EEFSEC: variants seen among roughly 807,000 people sequenced by gnomAD.
EEFSEC encodes the protein selenocysteine-specific elongation factor.
EEFSEC carries 43 observed loss-of-function variants against 42.1 expected under a neutral mutation model. That is an observed-to-expected ratio of 1.02 (90% CI 0.80 to 1.32). The LOEUF (loss-of-function observed/expected upper bound fraction) is 1.32. Ranked by LOEUF, EEFSEC falls within the 40% of genes most tolerant of loss-of-function variation. The probability of loss-of-function intolerance (pLI) is 0.00; values close to 1 mark genes in which losing one functional copy is unlikely to be tolerated. For synonymous variants in EEFSEC, 354 were observed against 339.1 expected, an observed-to-expected ratio of 1.04 and a Z score of -0.48; for missense variants, 745 against 803.6, an observed-to-expected ratio of 0.93 and a Z score of 0.88.
chr3:128,375,324 A>T (rs1382982981), intron 6 of EEFSEC, among the ~76,000 whole-genome samples: 1 of 152,142 alleles, frequency 6.6e-6, no homozygotes, highest in African/African-American at 2.4e-5. Flanking sequence ...ATCTTCCAGC[A>T]CCTGTCTGTC....
At chr3:128,230,129 C>T (rs2065946072) in intron 1 of EEFSEC, among the ~76,000 whole-genome samples, 1 of 149,344 alleles carries the variant, frequency 6.7e-6, no homozygotes, top group South Asian at 2.1e-4. Context: ...TCTCTCCCTC[C>T]CTCCCTCCCT....
intron 4 of EEFSEC, among the ~76,000 whole-genome samples, chr3:128,307,640 G>T (rs908101511): frequency 1.3e-5 from 2 of 152,152 alleles, no homozygotes; most frequent in Admixed American, 1.3e-4. Context: ...TGCTTTATTC[G>T]CAACAAGAAC....
chr3:128,321,045 G>A (rs1192914048), intron 4 of EEFSEC, among the ~76,000 whole-genome samples: 1 of 152,216 alleles, frequency 6.6e-6, no homozygotes. Context: ...TGGAGGTGGC[G>A]ACAAAGGCAG....
chr3:128,418,772 G>A, the EEFSEC span, among the ~76,000 whole-genome samples: 3 of 152,160 alleles, frequency 2.0e-5, no homozygotes, highest in Non-Finnish European at 4.4e-5. Flanking sequence ...TAGCACCTCT[G>A]ATTAGCACTG....
intron 1 of EEFSEC, among the ~76,000 whole-genome samples, chr3:128,170,500 A>C (rs552867835): frequency 1.4e-5 from 2 of 142,542 alleles, no homozygotes; most frequent in African/African-American, 5.1e-5. Context: ...GACCACGTCT[A>C]AAAAAAAAAA....
At chr3:128,192,383 A>AC (rs2065534765) in intron 1 of EEFSEC, among the ~76,000 whole-genome samples, 2 of 152,108 alleles carry the variant, frequency 1.3e-5, no homozygotes, top group South Asian at 4.2e-4. Context: ...CAGGCCCTGG[A>AC]CCCGCTCTTC....
At chr3:128,330,534 G>A (rs573929296) in intron 4 of EEFSEC, among the ~76,000 whole-genome samples, 1 of 152,244 alleles carries the variant, frequency 6.6e-6, no homozygotes, top group African/African-American at 2.4e-5. Context: ...CAGGTTTTGT[G>A]AGCTGGTCGG....
chr3:128,245,218 G>A (rs2066114987), intron 1 of EEFSEC, among the ~76,000 whole-genome samples: 1 of 152,230 alleles, frequency 6.6e-6, no homozygotes, highest in Non-Finnish European at 1.5e-5. Context: ...GCCAACATGA[G>A]CCTGCCATGG....
chr3:128,177,232 A>G (rs946573333), intron 1 of EEFSEC, among the ~76,000 whole-genome samples: 1 of 152,036 alleles, frequency 6.6e-6, no homozygotes, highest in South Asian at 2.1e-4. Context: ...TTGATTCCTT[A>G]TCTTAAAACC....
chr3:128,389,314 G>A (rs1163199571), intron 6 of EEFSEC, among the ~76,000 whole-genome samples: 2 of 152,242 alleles, frequency 1.3e-5, no homozygotes, highest in Non-Finnish European at 2.9e-5. Flanking sequence ...GGATGGGCGG[G>A]CATAACAGGA....
At chr3:128,304,304 A>G (rs1002502179) in intron 4 of EEFSEC, among the ~76,000 whole-genome samples, 10 of 151,958 alleles carry the variant, frequency 6.6e-5, no homozygotes, top group African/African-American at 2.4e-4. Flanking sequence ...TCCTGAGAGC[A>G]TTGTCTTTCT....
chr3:128,338,772 G>A (rs1003749075), intron 4 of EEFSEC, among the ~76,000 whole-genome samples: 36 of 152,308 alleles, frequency 2.4e-4, no homozygotes, highest in African/African-American at 8.4e-4. Context: ...CTGTGAGTGA[G>A]GCTTTTCAGC....
At chr3:128,301,483 T>G (rs1225245466) in intron 4 of EEFSEC, among the ~76,000 whole-genome samples, 3 of 152,166 alleles carry the variant, frequency 2.0e-5, no homozygotes, top group Non-Finnish European at 4.4e-5. Flanking sequence ...GGGACTTTAC[T>G]GGTGCAAGTC....
Position 128,408,100 on chromosome 3 carries a change from G to T in EEFSEC, c.1632G>T (p.Leu544=). 1 of 1,597,736 alleles carries T rather than the reference G, an allele frequency of 6.3e-7. No homozygotes were observed. ...TCAGCCCCGAGTCCAAGAAGATCCT[G>T]ACACCCGCCCTCAAGAAGCGGGCCC... is the stretch of plus-strand genomic sequence containing the variant. ...GGLSPESKKI[L]TPALKKRARA... The change falls in exon 7 of 7, where the codon CTG becomes CTT. Residue 544 remains leucine, a synonymous_variant. Coordinates refer to ENST00000254730, the MANE Select transcript of EEFSEC (RefSeq NM_021937.5).
At chr3:128,409,012 G>A (rs973112872), downstream of EEFSEC, among the ~76,000 whole-genome samples, 7 of 152,140 alleles carry the variant, frequency 4.6e-5, no homozygotes, top group African/African-American at 1.4e-4. Context: ...TCAAGTTTGA[G>A]AACCACATAC....
At chr3:128,424,824 G>A in the EEFSEC span, among the ~76,000 whole-genome samples, 1 of 152,044 alleles carries the variant, frequency 6.6e-6, no homozygotes, top group Non-Finnish European at 1.5e-5. Context: ...CAACCTCCGG[G>A]ACCGTGTCTC....
chr3:128,405,425 C>T (rs2068097593), intron 6 of EEFSEC, among the ~76,000 whole-genome samples: 1 of 152,238 alleles, frequency 6.6e-6, no homozygotes, highest in Non-Finnish European at 1.5e-5. Context: ...GAGTGGAGAG[C>T]AGAAGCTGGC....
chr3:128,350,789 T>C (rs1220913202), intron 5 of EEFSEC, among the ~76,000 whole-genome samples: 1 of 152,154 alleles, frequency 6.6e-6, no homozygotes, highest in Non-Finnish European at 1.5e-5. Flanking sequence ...CCAGAACCTG[T>C]TTCTTCTTTA....
At chr3:128,407,077 A>G (rs888292232) in intron 6 of EEFSEC, among the ~76,000 whole-genome samples, 1 of 152,204 alleles carries the variant, frequency 6.6e-6, no homozygotes, top group Admixed American at 6.5e-5. Flanking sequence ...GAGCCCAGGA[A>G]TGGGCCATGA....
Sources: gnomAD v4.1 joint callset for allele counts (sites outside exome capture counted in the v4.1 genomes callset) on GRCh38, gnomAD v4.1.1 for gene constraint, MANE v1.5 for transcripts, NCBI Gene and HGNC (gene_info 2026-07-23, HGNC 2026-07-21) for gene names.